PLCB1: variants seen among roughly 807,000 people sequenced by gnomAD.
PLCB1 encodes the protein 1-phosphatidylinositol 4,5-bisphosphate phosphodiesterase beta-1.
In PLCB1, 46 loss-of-function variants were observed where a neutral mutation model predicts 161.8. The observed-to-expected ratio is 0.28, with a 90% confidence interval of 0.22 to 0.36. The LOEUF (loss-of-function observed/expected upper bound fraction) is 0.36, where lower values mean the gene tolerates loss of function less well. Ranked by LOEUF, PLCB1 falls within the 10% of genes least tolerant of loss-of-function variation. PLCB1 has a pLI of 1.00. For missense variants in PLCB1, 1,016 were observed against 1,472.5 expected (o/e 0.69, Z 5.07); for synonymous variants, 517 against 503.7 (o/e 1.03, Z -0.35).
At chr20:8,800,079 A>G (rs896539913) in intron 31 of PLCB1, among the ~76,000 whole-genome samples, 1 of 152,230 alleles carries the variant, frequency 6.6e-6, no homozygotes, top group African/African-American at 2.4e-5. Flanking sequence ...GAGGAAATCT[A>G]CTAGATGCTT....
At chr20:8,568,203 T>C (rs968553771) in intron 3 of PLCB1, among the ~76,000 whole-genome samples, 23 of 152,208 alleles carry the variant, frequency 1.5e-4, no homozygotes, top group Non-Finnish European at 1.3e-4. Context: ...ATAAAGTGTA[T>C]TGTGGTTACT....
intron 31 of PLCB1, among the ~76,000 whole-genome samples, chr20:8,814,937 C>T (rs1403407701): frequency 6.6e-6 from 1 of 152,124 alleles, no homozygotes; most frequent in Non-Finnish European, 1.5e-5. Flanking sequence ...CGTCTTTTTG[C>T]TTTTCTTAGC....
chr20:8,584,757 C>A (rs1421978127), intron 3 of PLCB1, among the ~76,000 whole-genome samples: 3 of 152,104 alleles, frequency 2.0e-5, no homozygotes, highest in African/African-American at 7.2e-5. Context: ...ATGGCACGAT[C>A]TCGGCTCACT....
rs760742501 is a variant in PLCB1, at chr20:8,635,025, C to T, written c.384+6594C>T. On this transcript the variant is annotated intron_variant, in intron 4 of 31. Coordinates refer to ENST00000338037, the MANE Select transcript of PLCB1 (RefSeq NM_015192.4). ...GCATCAACTCAGTTCATCCATCTCTCGCTCTATCTCATGACTTCCATGCAT... is the reference window on the plus strand; with the variant it reads ...GCATCAACTCAGTTCATCCATCTCTTGCTCTATCTCATGACTTCCATGCAT... Among the ~76,000 whole-genome samples, 7 of 152,134 alleles carry T rather than the reference C, an allele frequency of 4.6e-5. No individual in the cohort carries two copies. The East Asian group carries it at 7.7e-4, about 17-fold the overall frequency.
At chr20:8,429,068 C>T (rs1420522750) in intron 3 of PLCB1, among the ~76,000 whole-genome samples, 1 of 152,060 alleles carries the variant, frequency 6.6e-6, no homozygotes, top group African/African-American at 2.4e-5. Context: ...ATTGTATGCA[C>T]GCAAGCAATA....
At chr20:8,316,953 C>T (rs1984689037) in intron 2 of PLCB1, among the ~76,000 whole-genome samples, 1 of 129,366 alleles carries the variant, frequency 7.7e-6, no homozygotes, top group African/African-American at 2.8e-5. Flanking sequence ...CTATACCCAC[C>T]CCCGGCCCAG....
intron 2 of PLCB1, among the ~76,000 whole-genome samples, chr20:8,176,966 A>C (rs1272566914): frequency 6.6e-6 from 1 of 151,892 alleles, no homozygotes; most frequent in Non-Finnish European, 1.5e-5. Flanking sequence ...TATTATCACC[A>C]CTCCCTTCTC....
At chr20:8,863,589 G>A (rs1987327092) in intron 31 of PLCB1, among the ~76,000 whole-genome samples, 1 of 152,236 alleles carries the variant, frequency 6.6e-6, no homozygotes, top group Non-Finnish European at 1.5e-5. Context: ...AGCTGATGCT[G>A]CTGTTCGGGA....
At chr20:8,567,853 C>T (rs548553824) in intron 3 of PLCB1, among the ~76,000 whole-genome samples, 47 of 152,244 alleles carry the variant, frequency 3.1e-4, no homozygotes, top group African/African-American at 1.1e-3. Context: ...TTTTTAAAGA[C>T]ATGACTTAGA....
chr20:8,588,014 G>C (rs540750359), intron 3 of PLCB1, among the ~76,000 whole-genome samples: 7 of 152,266 alleles, frequency 4.6e-5, no homozygotes, highest in African/African-American at 1.7e-4. Context: ...CCAGACTGAC[G>C]TGTATCGAAA....
chr20:8,866,512 T>C (rs1987434258), intron 31 of PLCB1, among the ~76,000 whole-genome samples: 1 of 152,230 alleles, frequency 6.6e-6, no homozygotes, highest in African/African-American at 2.4e-5. Flanking sequence ...TTTTGTAAAT[T>C]TCTAATTTAA....
At chr20:8,667,166 A>G (rs1989832722) in intron 9 of PLCB1, among the ~76,000 whole-genome samples, 1 of 152,220 alleles carries the variant, frequency 6.6e-6, no homozygotes, top group Non-Finnish European at 1.5e-5. Flanking sequence ...GGAAAACTAT[A>G]TGATGTAGCC....
intron 31 of PLCB1, among the ~76,000 whole-genome samples, chr20:8,826,868 G>A (rs143105778): frequency 2.0e-5 from 3 of 152,294 alleles, no homozygotes; most frequent in Admixed American, 1.3e-4. Flanking sequence ...GATTTTATGC[G>A]TCTGTGTTTC....
At chr20:8,767,495 C>T (rs1192186761) in intron 26 of PLCB1, among the ~76,000 whole-genome samples, 1 of 152,162 alleles carries the variant, frequency 6.6e-6, no homozygotes, top group African/African-American at 2.4e-5. Flanking sequence ...AGTTAGGATT[C>T]TCTGGGCTCA....
At chr20:8,650,706 A>C (rs1323007664) in intron 7 of PLCB1, among the ~76,000 whole-genome samples, 1 of 152,216 alleles carries the variant, frequency 6.6e-6, no homozygotes, top group African/African-American at 2.4e-5. Flanking sequence ...GATATTTGAA[A>C]TATTAATTTC....
At chr20:8,489,599 G>T (rs766497486) in intron 3 of PLCB1, among the ~76,000 whole-genome samples, 2 of 152,114 alleles carry the variant, frequency 1.3e-5, no homozygotes, top group Non-Finnish European at 2.9e-5. Flanking sequence ...AGCAAGTTCT[G>T]GTTTGGGTCA....
intron 31 of PLCB1, among the ~76,000 whole-genome samples, chr20:8,862,933 TA>T (rs1987304054): frequency 1.3e-5 from 2 of 152,156 alleles, no homozygotes; most frequent in Non-Finnish European, 2.9e-5. Context: ...GGGTAGCAAT[TA>T]AAAGTGTGGC....
intron 3 of PLCB1, among the ~76,000 whole-genome samples, chr20:8,429,002 C>G (rs1455918632): frequency 6.6e-6 from 1 of 152,192 alleles, no homozygotes; most frequent in Admixed American, 6.5e-5. Flanking sequence ...AGAGAAGGGC[C>G]TTTTAAAAGC....
intron 4 of PLCB1, among the ~76,000 whole-genome samples, chr20:8,631,631 G>A (rs1212532150): frequency 1.3e-5 from 2 of 152,166 alleles, no homozygotes; most frequent in African/African-American, 2.4e-5. Flanking sequence ...GGGTGCCTAA[G>A]AAATGTGACC....
Sources: gnomAD v4.1 joint callset for allele counts (sites outside exome capture counted in the v4.1 genomes callset) on GRCh38, gnomAD v4.1.1 for gene constraint, MANE v1.5 for transcripts, NCBI Gene and HGNC (gene_info 2026-07-23, HGNC 2026-07-21) for gene names.